Variants in STXBP5L observed in about 807,000 individuals in gnomAD.
The protein encoded by STXBP5L is syntaxin binding protein 5L, also known as syntaxin-binding protein 5-like.
Under a neutral mutation model 144.5 loss-of-function variants are expected in STXBP5L, and 65 were observed. The observed-to-expected ratio is 0.45, with a 90% CI of 0.37 to 0.55. STXBP5L has a LOEUF of 0.55. STXBP5L is among the 20% of genes least tolerant of loss of function. The probability of loss-of-function intolerance (pLI) is 0.00; values close to 1 mark genes in which losing one functional copy is unlikely to be tolerated. For missense variants in STXBP5L, 1,298 were observed against 1,405.5 expected, an observed-to-expected ratio of 0.92 and a Z score of 1.22; for synonymous variants, 505 against 469.6, an observed-to-expected ratio of 1.08 and a Z score of -0.97.
At chr3:121,203,631 A>T (rs2048223619) in intron 9 of STXBP5L, among the ~76,000 whole-genome samples, 1 of 152,188 alleles carries the variant, frequency 6.6e-6, no homozygotes. Context: ...CTCTCCCAAG[A>T]ATAAATTGGT....
chr3:121,089,569 G>C (rs1002759407), intron 5 of STXBP5L, among the ~76,000 whole-genome samples: 8 of 151,340 alleles, frequency 5.3e-5, no homozygotes, highest in Admixed American at 6.6e-5. Flanking sequence ...CAGATAATTG[G>C]CTGTGATTTG....
At chr3:121,380,749 G>A (rs1576324339) in intron 21 of STXBP5L, among the ~76,000 whole-genome samples, 1 of 152,082 alleles carries the variant, frequency 6.6e-6, no homozygotes, top group East Asian at 1.9e-4. Context: ...GATAAAATTT[G>A]CATTTTGGCC....
chr3:121,140,268 T>G (rs1044665279), intron 7 of STXBP5L, among the ~76,000 whole-genome samples: 1 of 152,074 alleles, frequency 6.6e-6, no homozygotes, highest in African/African-American at 2.4e-5. Flanking sequence ...TAATAAGTAC[T>G]GGTGAACATA....
chr3:121,316,653 A>C (rs1435212729), intron 19 of STXBP5L, among the ~76,000 whole-genome samples: 1 of 152,212 alleles, frequency 6.6e-6, no homozygotes, highest in African/African-American at 2.4e-5. Context: ...GGTACAAAAT[A>C]ATAGATACTA....
chr3:121,058,820 G>T (rs902944200), intron 5 of STXBP5L, among the ~76,000 whole-genome samples: 1 of 147,728 alleles, frequency 6.8e-6, no homozygotes. Context: ...TTTTGATGGG[G>T]TTGTTTTTTT....
intron 5 of STXBP5L, among the ~76,000 whole-genome samples, chr3:121,081,408 T>G (rs1052100382): frequency 6.6e-6 from 1 of 152,166 alleles, no homozygotes; most frequent in Non-Finnish European, 1.5e-5. Flanking sequence ...ACTTTAATGT[T>G]TGTAGTTTAT....
At chr3:120,968,076 G>C (rs143040388) in intron 3 of STXBP5L, among the ~76,000 whole-genome samples, 1 of 152,178 alleles carries the variant, frequency 6.6e-6, no homozygotes, top group East Asian at 1.9e-4. Flanking sequence ...TGTATTCTGC[G>C]GCTATTGGAT....
chr3:121,026,914 T>C (rs1945990405), intron 3 of STXBP5L, among the ~76,000 whole-genome samples: 1 of 151,822 alleles, frequency 6.6e-6, no homozygotes, highest in South Asian at 2.1e-4. Flanking sequence ...CAAGCAGCCC[T>C]CACTTCCATA....
chr3:121,390,349 A>C (rs1191656984), intron 22 of STXBP5L, among the ~76,000 whole-genome samples: 1 of 152,074 alleles, frequency 6.6e-6, no homozygotes, highest in East Asian at 1.9e-4. Context: ...CCAATTTGCC[A>C]GTCTGTGTCT....
At chr3:121,010,565 C>T (rs902271371) in intron 3 of STXBP5L, among the ~76,000 whole-genome samples, 4 of 151,412 alleles carry the variant, frequency 2.6e-5, no homozygotes, top group Non-Finnish European at 2.9e-5. Context: ...TTGAACAACA[C>T]GGGGGTTAGG....
chr3:121,404,930 C>CT (rs2046962443), intron 22 of STXBP5L, among the ~76,000 whole-genome samples: 1 of 152,124 alleles, frequency 6.6e-6, no homozygotes, highest in African/African-American at 2.4e-5. Context: ...GACTGAAACT[C>CT]TAAGTTCAAG....
chr3:121,370,984 C>T (rs1219813970), intron 20 of STXBP5L, among the ~76,000 whole-genome samples: 1 of 152,186 alleles, frequency 6.6e-6, no homozygotes, highest in Non-Finnish European at 1.5e-5. Flanking sequence ...TCATTCCTAT[C>T]CATATTCTGA....
chr3:121,191,612 T>C (rs1224007261), intron 9 of STXBP5L, among the ~76,000 whole-genome samples: 3 of 152,020 alleles, frequency 2.0e-5, no homozygotes, highest in African/African-American at 7.2e-5. Flanking sequence ...ATTGGTAGCT[T>C]GATGGGGATG....
At chr3:121,097,928 G>A (rs1315823906) in intron 5 of STXBP5L, among the ~76,000 whole-genome samples, 1 of 151,974 alleles carries the variant, frequency 6.6e-6, no homozygotes, top group East Asian at 1.9e-4. Flanking sequence ...TATACTGTTG[G>A]TTTACGTTGA....
chr3:121,013,014 G>A (rs948420876), intron 3 of STXBP5L, among the ~76,000 whole-genome samples: 2 of 78,566 alleles, frequency 2.5e-5, no homozygotes, highest in African/African-American at 5.2e-5. Flanking sequence ...TTGCTGCAAT[G>A]GACACGATTT....
At chr3:121,267,979 C>T (rs2108410002) in intron 18 of STXBP5L, among the ~76,000 whole-genome samples, 1 of 152,232 alleles carries the variant, frequency 6.6e-6, no homozygotes, top group South Asian at 2.1e-4. Context: ...TTTGTTCAAC[C>T]ATTGGGGAAG....
intron 3 of STXBP5L, among the ~76,000 whole-genome samples, chr3:120,985,964 T>G (rs914541276): frequency 6.6e-6 from 1 of 152,012 alleles, no homozygotes; most frequent in Non-Finnish European, 1.5e-5. Context: ...GGCTGTGTGT[T>G]TATTTTGTTG....
intron 22 of STXBP5L, among the ~76,000 whole-genome samples, chr3:121,404,517 G>A (rs551933017): frequency 9.9e-5 from 15 of 151,918 alleles, no homozygotes; most frequent in Non-Finnish European, 1.9e-4. Context: ...TCCATCTCAC[G>A]CCAAGTAAAA....
At chr3:121,250,468 C>T (rs576942906) in intron 14 of STXBP5L, among the ~76,000 whole-genome samples, 19 of 151,888 alleles carry the variant, frequency 1.3e-4, no homozygotes, top group Non-Finnish European at 1.9e-4. Flanking sequence ...CATTGTTCTC[C>T]ATTACATATA....
Sources: gnomAD v4.1 joint callset for allele counts (sites outside exome capture counted in the v4.1 genomes callset) on GRCh38, gnomAD v4.1.1 for gene constraint, MANE v1.5 for transcripts, NCBI Gene and HGNC (gene_info 2026-07-23, HGNC 2026-07-21) for gene names.